The following MBD5 variants were observed in gnomAD, a reference collection of about 807,000 sequenced individuals.
MBD5 encodes methyl-CpG binding domain protein 5, also known as methyl-CpG-binding domain protein 5.
A neutral mutation model predicts 117.3 loss-of-function variants in MBD5; 13 were observed. The ratio of observed to expected loss-of-function variants is 0.11; its 90% confidence interval spans 0.07 to 0.18. MBD5 has a LOEUF of 0.18. Ranked by LOEUF, MBD5 falls within the 10% of genes least tolerant of loss-of-function variation. MBD5 has a pLI of 1.00. For missense variants in MBD5, 1,879 were observed against 2,093.8 expected (o/e 0.90, Z 2.00); for synonymous variants, 727 against 766.4 (o/e 0.95, Z 0.85).
In MBD5 at chr2:148,302,081, A is replaced by G. The variant is rs577872404; in HGVS notation, c.-679-40133A>G. 4.6e-5 allele frequency among the ~76,000 whole-genome samples: 7 copies of G among 152,336 alleles called. No homozygotes were observed. The South Asian group carries it at 1.0e-3, about 23-fold the overall frequency. On this transcript the variant is annotated intron_variant, in intron 3 of 13. Transcript: ENST00000642680. The stretch of plus-strand genomic sequence containing the variant: ...CTGACTAGCTACCTACTGTAACAAT[A>G]CTAGCTGTATAAGACCATGTGAAGA...
intron 7 of MBD5, among the ~76,000 whole-genome samples, chr2:148,465,662 T>C (rs1707238311): frequency 6.6e-6 from 1 of 152,112 alleles, no homozygotes. Flanking sequence ...ATAAGGGATG[T>C]TGTAGAAACT....
chr2:148,502,301 G>T, intron 11 of MBD5, 135 bp from the exon 12 acceptor site: 5 of 762,026 alleles, frequency 6.6e-6, no homozygotes, highest in South Asian at 1.5e-5. Flanking sequence ...GAGGACAGAA[G>T]ATTTGACAAG....
intron 1 of MBD5, among the ~76,000 whole-genome samples, chr2:148,094,789 A>G (rs1478117040): frequency 6.6e-6 from 1 of 152,160 alleles, no homozygotes; most frequent in African/African-American, 2.4e-5. Flanking sequence ...AAAATAACTC[A>G]TGGAATGCCA....
chr2:148,452,224 G>A (rs993918748), intron 4 of MBD5, among the ~76,000 whole-genome samples: 1 of 152,120 alleles, frequency 6.6e-6, no homozygotes, highest in Non-Finnish European at 1.5e-5. Flanking sequence ...AGCCAAGCAC[G>A]GTGGCTCGCA....
intron 4 of MBD5, among the ~76,000 whole-genome samples, chr2:148,430,356 C>T (rs183323800): frequency 6.2e-4 from 94 of 152,232 alleles, no homozygotes; most frequent in Admixed American, 1.3e-3. Flanking sequence ...TCCTAGCAGT[C>T]TGGATCCAGA....
chr2:148,194,979 C>T (rs1483992024), intron 2 of MBD5, among the ~76,000 whole-genome samples: 1 of 152,120 alleles, frequency 6.6e-6, no homozygotes, highest in Non-Finnish European at 1.5e-5. Context: ...TAAAAGGACA[C>T]ATTATAACTA....
chr2:148,493,205 C>T (rs1368308707), intron 11 of MBD5, among the ~76,000 whole-genome samples: 3 of 152,100 alleles, frequency 2.0e-5, no homozygotes, highest in African/African-American at 4.8e-5. Flanking sequence ...ATCTTTGTAG[C>T]GTCTAGGAAG....
chr2:148,107,792 T>G (rs1205652239), intron 1 of MBD5, among the ~76,000 whole-genome samples: 3 of 152,140 alleles, frequency 2.0e-5, no homozygotes, highest in Admixed American at 2.0e-4. Flanking sequence ...CTGTCACATA[T>G]TTTTGTTTGT....
intron 4 of MBD5, among the ~76,000 whole-genome samples, chr2:148,441,212 G>C (rs923209059): frequency 6.6e-6 from 1 of 151,810 alleles, no homozygotes; most frequent in Non-Finnish European, 1.5e-5. Context: ...CCATTAACTC[G>C]TCATTTAACA....
At chr2:148,291,127 G>A (rs1701491051) in intron 3 of MBD5, among the ~76,000 whole-genome samples, 1 of 152,184 alleles carries the variant, frequency 6.6e-6, no homozygotes, top group African/African-American at 2.4e-5. Context: ...AAATAAGGAA[G>A]TAAGAGTCCT....
rs769604751 is a variant in MBD5, at chr2:148,039,355, A to G, written c.-925+17671A>G. Among the ~76,000 whole-genome samples, 8 of 152,130 alleles carry G rather than the reference A, an allele frequency of 5.3e-5. 1 individual carries two copies. In the South Asian group the frequency reaches 6.2e-4, roughly 12 times the overall value. ...CTTTACTAATGTGCCAAATTTTAAG[A>G]AATTTAATACTTAAAAAACCGAATA... On this transcript the variant is annotated intron_variant, in intron 1 of 13. Coordinates refer to ENST00000642680, the MANE Select transcript of MBD5 (RefSeq NM_001378120.1).
rs1258885082 is a variant in MBD5, at chr2:148,490,205, G to A, written c.4573G>A (p.Gly1525Arg). The change falls in exon 11 of 14, where the codon GGG becomes AGG. Residue 1525 changes from glycine to arginine, a missense_variant. Gly to Arg is a moderately radical substitution (Grantham distance 125). Around this residue, in one of 4 missense-constraint regions of MBD5, gnomAD observed 1,666 missense variants for 1,792.2 expected, o/e 0.93. Coordinates refer to ENST00000642680, the MANE Select transcript of MBD5 (RefSeq NM_001378120.1). ...NTVERCAHIN[G>R]NRPRQSRGFG... ...TGTGGAAAGATGTGCACACATAAATGGGAATAGACCTCGACAGAGTCGGGG... is the reference window on the plus strand; with the variant it reads ...TGTGGAAAGATGTGCACACATAAATAGGAATAGACCTCGACAGAGTCGGGG... 6.2e-7 allele frequency: 1 copy of A among 1,614,146 alleles called. No homozygotes were observed. Among genetic ancestry groups the A allele is most frequent in the Non-Finnish European group, 8.5e-7 (1 of 1,180,016 alleles).
At position 148,513,013 on chromosome 2, in the gene MBD5, A is replaced by C; in HGVS notation, c.*72A>C. The stretch of plus-strand genomic sequence containing the variant: ...CAGATGTATCTGTATATAGGTATTG[A>C]TATAGCCACAGTTATATCAATATTT... On this transcript the variant is annotated 3_prime_UTR_variant, in exon 14 of 14. Transcript: ENST00000642680. 1 of 1,339,420 alleles carries C rather than the reference A, an allele frequency of 7.5e-7. No homozygotes were observed. Among genetic ancestry groups the C allele is most frequent in the South Asian group, 1.2e-5 (1 of 85,604 alleles). 83.0% of individuals were successfully genotyped at this position (1,339,420 alleles called of 1,614,324 possible). A position where few individuals can be genotyped will look rare whatever the true frequency, so the allele number is the denominator to read the frequency against.
chr2:148,174,017 A>T (rs539401807), intron 1 of MBD5, among the ~76,000 whole-genome samples: 132 of 152,332 alleles, frequency 8.7e-4, no homozygotes, highest in Non-Finnish European at 1.7e-3. Context: ...AGCTGGAGGC[A>T]TCACACTACC....
At chr2:148,129,647 T>C (rs781578772) in intron 1 of MBD5, among the ~76,000 whole-genome samples, 19 of 152,180 alleles carry the variant, frequency 1.2e-4, no homozygotes, top group Non-Finnish European at 1.8e-4. Context: ...AACATTTTAT[T>C]GGTAGTAAGT....
At chr2:148,392,429 T>A (rs1289086499) in intron 4 of MBD5, among the ~76,000 whole-genome samples, 1 of 152,204 alleles carries the variant, frequency 6.6e-6, no homozygotes, top group Admixed American at 6.5e-5. Context: ...AATGCTACCC[T>A]AGTCTTCTCA....
intron 1 of MBD5, among the ~76,000 whole-genome samples, chr2:148,074,734 C>T (rs1695459422): frequency 2.0e-5 from 3 of 151,920 alleles, no homozygotes; most frequent in Admixed American, 2.0e-4. Context: ...GAATTCCTGA[C>T]CTTGTGATCC....
intron 4 of MBD5, among the ~76,000 whole-genome samples, chr2:148,371,329 A>T (rs965020315): frequency 6.6e-6 from 1 of 152,152 alleles, no homozygotes; most frequent in Non-Finnish European, 1.5e-5. Context: ...TCCCACATCA[A>T]TGTTGACCTA....
Position 148,188,531 on chromosome 2 carries a change from A to G in MBD5, c.-831+9738A>G, listed in dbSNP as rs145662673. ...TGAGACCCTGTATCTACAAAAAATT[A>G]AAAAATTAGCCAGGCATACTGGTGT... is the stretch of plus-strand genomic sequence containing the variant. On this transcript the variant is annotated intron_variant, in intron 2 of 13. Coordinates refer to ENST00000642680, the MANE Select transcript of MBD5 (RefSeq NM_001378120.1). Among the ~76,000 whole-genome samples, 572 of 152,044 alleles carry G rather than the reference A, an allele frequency of 3.8e-3. 4 individuals carry two copies. Among genetic ancestry groups the G allele is most frequent in the African/African-American group, 0.013 (538 of 41,476 alleles).
Sources: gnomAD v4.1 joint callset for allele counts (sites outside exome capture counted in the v4.1 genomes callset) on GRCh38, gnomAD v4.1.1 for gene constraint, gnomAD v4.1.1 regional missense constraint, MANE v1.5 for transcripts, NCBI Gene and HGNC (gene_info 2026-07-23, HGNC 2026-07-21) for gene names.